The following SORCS1 variants were observed in gnomAD, a reference collection of about 807,000 sequenced individuals.
The protein encoded by SORCS1 is sortilin related VPS10 domain containing receptor 1, also known as VPS10 domain-containing receptor SorCS1.
Under a neutral mutation model 146.1 loss-of-function variants are expected in SORCS1, and 60 were observed. The observed-to-expected ratio is 0.41, with a 90% CI of 0.33 to 0.51. The LOEUF is 0.51. Ranked by LOEUF, SORCS1 falls within the 20% of genes least tolerant of loss-of-function variation. The pLI, the probability that SORCS1 is intolerant of heterozygous loss-of-function variation, is 0.21. For missense variants in SORCS1, 1,352 were observed against 1,487.6 expected (o/e 0.91, Z 1.50); for synonymous variants, 637 against 584.0 (o/e 1.09, Z -1.31).
chr10:106,690,235 T>C (rs1227115042), intron 9 of SORCS1, among the ~76,000 whole-genome samples: 1 of 152,230 alleles, frequency 6.6e-6, no homozygotes, highest in African/African-American at 2.4e-5. Flanking sequence ...TGTTACATAC[T>C]CAAATATGAA....
chr10:106,731,583 C>T (rs561622282), intron 5 of SORCS1, among the ~76,000 whole-genome samples: 51 of 152,120 alleles, frequency 3.4e-4, no homozygotes, highest in Non-Finnish European at 5.9e-4. Flanking sequence ...GTCTCATTTA[C>T]GACAGGGAAA....
intron 1 of SORCS1, among the ~76,000 whole-genome samples, chr10:107,092,899 A>C (rs947604215): frequency 2.0e-5 from 3 of 151,770 alleles, no homozygotes; most frequent in East Asian, 3.9e-4. Flanking sequence ...AAAAAAAAAA[A>C]AAAAAAACCT....
intron 2 of SORCS1, among the ~76,000 whole-genome samples, chr10:106,944,419 T>C (rs866053216): frequency 1.3e-5 from 2 of 152,170 alleles, no homozygotes; most frequent in Non-Finnish European, 2.9e-5. Flanking sequence ...CTAGTCTAAT[T>C]CCTACTCCTT....
At chr10:106,717,434 A>C (rs1485878489) in intron 6 of SORCS1, among the ~76,000 whole-genome samples, 1 of 152,256 alleles carries the variant, frequency 6.6e-6, no homozygotes, top group African/African-American at 2.4e-5. Flanking sequence ...TACACAGAGG[A>C]CAAGATACTT....
chr10:106,808,763 A>G (rs1343470114), intron 3 of SORCS1, among the ~76,000 whole-genome samples: 1 of 152,130 alleles, frequency 6.6e-6, no homozygotes, highest in African/African-American at 2.4e-5. Context: ...TGGCCTCCCA[A>G]GGTGTTGGGA....
At chr10:106,961,571 T>C (rs1020412884) in intron 1 of SORCS1, among the ~76,000 whole-genome samples, 6 of 152,206 alleles carry the variant, frequency 3.9e-5, no homozygotes, top group Non-Finnish European at 7.3e-5. Flanking sequence ...GAAAGTGCGA[T>C]GGAAGTGAGG....
intron 21 of SORCS1, among the ~76,000 whole-genome samples, chr10:106,614,064 G>A (rs1032595286): frequency 1.3e-5 from 2 of 151,914 alleles, no homozygotes; most frequent in African/African-American, 4.8e-5. Context: ...TGTTTTCATT[G>A]ATATGTCCTT....
intron 16 of SORCS1, among the ~76,000 whole-genome samples, chr10:106,668,961 C>T (rs938646402): frequency 9.2e-5 from 14 of 152,110 alleles, no homozygotes; most frequent in African/African-American, 3.4e-4. Flanking sequence ...CGGTAGAACC[C>T]CAACAAGGTT....
At position 106,757,782 on chromosome 10, in the gene SORCS1, A is replaced by C. The variant is rs185002227; in HGVS notation, c.959+3806T>G. ...CCAAGAACGTAAGGCTAAGAGGCAG[A>C]GACAAGAGCATTTGTTGATTTAGTA... On this transcript the variant is annotated intron_variant, in intron 5 of 25. Transcript: ENST00000263054. 2.3e-3 allele frequency among the ~76,000 whole-genome samples: 352 copies of C among 152,324 alleles called. 4 individuals are homozygous for C. The highest frequency in any genetic ancestry group is 8.1e-3 in the African/African-American group (336 of 41,580).
chr10:107,055,558 C>A (rs1960541956), intron 1 of SORCS1, among the ~76,000 whole-genome samples: 1 of 152,192 alleles, frequency 6.6e-6, no homozygotes, highest in African/African-American at 2.4e-5. Context: ...CACATGAGTG[C>A]TGTTGTAAGT....
At position 106,674,648 on chromosome 10, in the gene SORCS1, C is replaced by T. The variant is rs188105182; in HGVS notation, c.1940+401G>A. Among the ~76,000 whole-genome samples the T allele has an allele frequency of 1.2e-3, 183 of 152,190 alleles. 1 individual carries two copies. The highest frequency in any genetic ancestry group is 9.4e-4 in the Non-Finnish European group (64 of 68,000). ...CTGTTCTCATGATTTTCCTAATATG[C>T]CTCACAATTGGGTTAGGTAAAGAGC... On this transcript the variant is annotated intron_variant, in intron 14 of 25. Coordinates refer to ENST00000263054, the MANE Select transcript of SORCS1 (RefSeq NM_052918.5).
intron 24 of SORCS1, among the ~76,000 whole-genome samples, chr10:106,585,028 T>C (rs1845139260): frequency 6.6e-6 from 1 of 151,898 alleles, no homozygotes; most frequent in South Asian, 2.1e-4. Flanking sequence ...GAAAATATTG[T>C]TAGCTAGGCT....
chr10:107,109,114 T>G (rs1358485859), intron 1 of SORCS1, among the ~76,000 whole-genome samples: 1 of 152,194 alleles, frequency 6.6e-6, no homozygotes, highest in Admixed American at 6.5e-5. Flanking sequence ...CCTGAGACTT[T>G]TCCAGGGGCA....
intron 24 of SORCS1, among the ~76,000 whole-genome samples, chr10:106,580,362 C>T (rs1326807642): frequency 2.0e-5 from 3 of 152,162 alleles, no homozygotes; most frequent in Non-Finnish European, 2.9e-5. Context: ...AGTCTCCCTC[C>T]CTGAGTTTCC....
intron 4 of SORCS1, among the ~76,000 whole-genome samples, chr10:106,774,115 T>A (rs1012909868): frequency 1.3e-5 from 2 of 152,168 alleles, no homozygotes; most frequent in African/African-American, 4.8e-5. Context: ...AACAAATAAA[T>A]GAAGACTGCT....
intron 1 of SORCS1, among the ~76,000 whole-genome samples, chr10:107,136,770 T>TAAGCA (rs1286984511): frequency 9.9e-5 from 15 of 152,092 alleles, no homozygotes; most frequent in African/African-American, 3.6e-4. Context: ...GTACCAGGTT[T>TAAGCA]CAAGCACACG....
intron 1 of SORCS1, among the ~76,000 whole-genome samples, chr10:107,157,357 G>A (rs1969366487): frequency 2.0e-5 from 3 of 152,226 alleles, no homozygotes; most frequent in Admixed American, 2.0e-4. Flanking sequence ...GTGACCAAAT[G>A]TTATTTGACC....
Position 106,797,199 on chromosome 10 carries a change from G to C in SORCS1, c.727-20507C>G, listed in dbSNP as rs1035622597. Among the ~76,000 whole-genome samples, 4 of 152,202 alleles carry C rather than the reference G, an allele frequency of 2.6e-5. No individual in the cohort carries two copies. The South Asian group carries it at 8.3e-4, about 32-fold the overall frequency. On this transcript the variant is annotated intron_variant, in intron 3 of 25. Transcript: ENST00000263054. ...CTTATCTTTCATCTTTATTCTAAGA[G>C]ATTCAGTAAGATTCTTTACTGGGAA...
At chr10:107,003,957 C>G (rs1282437298) in intron 1 of SORCS1, among the ~76,000 whole-genome samples, 9 of 151,966 alleles carry the variant, frequency 5.9e-5, no homozygotes, top group Non-Finnish European at 1.2e-4. Flanking sequence ...GGGTGGATCA[C>G]AAGGTCAGGA....
Sources: gnomAD v4.1 joint callset for allele counts (sites outside exome capture counted in the v4.1 genomes callset) on GRCh38, gnomAD v4.1.1 for gene constraint, MANE v1.5 for transcripts, NCBI Gene and HGNC (gene_info 2026-07-23, HGNC 2026-07-21) for gene names.